GYG1: variants seen among roughly 807,000 people sequenced by gnomAD.
GYG1 encodes glycogenin 1.
GYG1 carries 44 observed loss-of-function variants against 41.9 expected under a neutral mutation model. The observed-to-expected ratio is 1.05, with a 90% CI of 0.83 to 1.35. The LOEUF is 1.35. GYG1 is among the 40% of genes most tolerant of loss of function. The probability of loss-of-function intolerance (pLI) is 0.00; values close to 1 mark genes in which losing one functional copy is unlikely to be tolerated. For synonymous variants in GYG1, 141 were observed against 158.1 expected (o/e 0.89, Z 0.81); for missense variants, 429 against 418.9 (o/e 1.02, Z -0.21).
In GYG1 at chr3:149,030,487, A is replaced by G. The variant is rs192055103; in HGVS notation, c.*3554A>G. 3.3e-5 allele frequency: 5 copies of G among 152,266 alleles called. No homozygotes were observed. The East Asian group carries it at 9.7e-4, about 29-fold the overall frequency. The allele number at this position is 152,266 out of a possible 1,614,324, so 9.4% of individuals were successfully genotyped here. On this transcript the variant is annotated 3_prime_UTR_variant, in exon 8 of 8. Transcript: ENST00000345003. ...CAAAGAAGCAAGCTGTCCTCCCTTT[A>G]CCTTCATAGTGAGTTTGTAAGGCTT... is the stretch of plus-strand genomic sequence containing the variant.
chr3:149,017,297 C>A (rs1714102196), intron 5 of GYG1, among the ~76,000 whole-genome samples: 1 of 151,986 alleles, frequency 6.6e-6, no homozygotes, highest in Non-Finnish European at 1.5e-5. Context: ...AAAATTAGAA[C>A]ATTTATTTTA....
At chr3:149,011,645 C>G (rs1228674541) in intron 5 of GYG1, among the ~76,000 whole-genome samples, 5 of 152,168 alleles carry the variant, frequency 3.3e-5, no homozygotes, top group African/African-American at 1.2e-4. Context: ...ACTTAATTTG[C>G]TAGAACCTTG....
chr3:148,996,265 G>T (rs1207192002), intron 2 of GYG1, 37 bp from the exon 3 acceptor site: 1 of 1,486,366 alleles, frequency 6.7e-7, no homozygotes, highest in South Asian at 1.1e-5. Context: ...GTTCTGAAAA[G>T]ATGCTAAGTG....
At chr3:149,002,340 C>T (rs1713136910) in intron 4 of GYG1, among the ~76,000 whole-genome samples, 1 of 152,180 alleles carries the variant, frequency 6.6e-6, no homozygotes, top group Admixed American at 6.5e-5. Flanking sequence ...AGAGTCCAGA[C>T]TAGGAGGACC....
At chr3:149,011,969 G>A (rs575073472) in intron 5 of GYG1, among the ~76,000 whole-genome samples, 12 of 152,224 alleles carry the variant, frequency 7.9e-5, no homozygotes, top group Middle Eastern at 3.4e-3. Flanking sequence ...GCCATGCTTT[G>A]TCTTGCCCAT....
intron 4 of GYG1, chr3:149,001,655 C>T (rs982525273): frequency 1.3e-5 from 2 of 152,222 alleles, no homozygotes; most frequent in African/African-American, 4.8e-5. Context: ...ATCTAGCTAG[C>T]ACTGGGGACC....
chr3:149,002,763 G>A (rs1414663990), intron 4 of GYG1, among the ~76,000 whole-genome samples: 1 of 152,218 alleles, frequency 6.6e-6, no homozygotes, highest in Non-Finnish European at 1.5e-5. Flanking sequence ...GCTCACACCT[G>A]TAATTCCAAC....
At chr3:149,013,033 T>TGTGTGTGTGTGTGTGTGTGTGTG in intron 5 of GYG1, among the ~76,000 whole-genome samples, 1 of 77,940 alleles carries the variant, frequency 1.3e-5, no homozygotes, top group African/African-American at 8.0e-5. Context: ...GTGTGTGTGT[T>TGTGTGTGTGTGTGTGTGTGTGTG]TTATAGAGAC....
intron 5 of GYG1, among the ~76,000 whole-genome samples, chr3:149,019,736 C>T (rs1576552422): frequency 6.6e-6 from 1 of 152,202 alleles, no homozygotes; most frequent in South Asian, 2.1e-4. Flanking sequence ...GAGATCAGTG[C>T]CTGAGTCACA....
At position 149,029,169 on chromosome 3, in the gene GYG1, T is replaced by A. The variant is rs779818731; in HGVS notation, c.*2236T>A. Among the ~76,000 whole-genome samples, 2 of 152,248 alleles carry A rather than the reference T, an allele frequency of 1.3e-5. No homozygotes were observed. Among genetic ancestry groups the A allele is most frequent in the Non-Finnish European group, 2.9e-5 (2 of 68,040 alleles). On this transcript the variant is annotated 3_prime_UTR_variant, in exon 8 of 8. Coordinates refer to ENST00000345003, the MANE Select transcript of GYG1 (RefSeq NM_004130.4). ...AACATTCTTTTCCTTCTATGATCTA[T>A]GTCTTAAGGTGAAGTATTAACTAAC...
chr3:149,025,810 G>A (rs1350710659), intron 6 of GYG1, among the ~76,000 whole-genome samples: 1 of 152,136 alleles, frequency 6.6e-6, no homozygotes, highest in Non-Finnish European at 1.5e-5. Context: ...ACCTTTTATG[G>A]CAGGTGAAGG....
chr3:149,002,072 G>A (rs1439523448), intron 4 of GYG1, among the ~76,000 whole-genome samples: 1 of 152,118 alleles, frequency 6.6e-6, no homozygotes, highest in African/African-American at 2.4e-5. Context: ...TCATCGTCTT[G>A]CAGTGTTTTA....
intron 5 of GYG1, among the ~76,000 whole-genome samples, chr3:149,016,541 G>T (rs1391361690): frequency 7.9e-5 from 12 of 152,138 alleles, no homozygotes; most frequent in African/African-American, 2.9e-4. Flanking sequence ...CCTAGTGTAG[G>T]TTATTAAAGT....
chr3:149,024,179 TC>T lies in GYG1; in HGVS notation c.736del (p.Leu246SerfsTer29). Reference sequence around the variant, plus strand: ...ATCCCAACATGACTCATCCAGAGTTTCTCATCCTGTGGTGGAACATCTTTAC... The same window carrying T: ...ATCCCAACATGACTCATCCAGAGTTTTCATCCTGTGGTGGAACATCTTTAC... ...HDPNMTHPEFLILWWNIFTTN... is the reference protein window; with the variant it reads ...HDPNMTHPEFXILWWNIFTTN... On this transcript the variant is annotated frameshift_variant, in exon 6 of 8. Coordinates refer to ENST00000345003, the MANE Select transcript of GYG1 (RefSeq NM_004130.4). LOFTEE classifies it high-confidence loss of function. 1 of 1,613,944 alleles carries T rather than the reference TC, an allele frequency of 6.2e-7. No individual in the cohort carries two copies. Among genetic ancestry groups the T allele is most frequent in the Non-Finnish European group, 8.5e-7 (1 of 1,179,790 alleles).
At chr3:148,995,702 T>C (rs1712746467) in intron 2 of GYG1, among the ~76,000 whole-genome samples, 1 of 152,222 alleles carries the variant, frequency 6.6e-6, no homozygotes. Context: ...AATACCAGTT[T>C]TGTTCTGCAT....
chr3:149,002,438 C>A (rs1713145414), intron 4 of GYG1, among the ~76,000 whole-genome samples: 1 of 152,198 alleles, frequency 6.6e-6, no homozygotes, highest in South Asian at 2.1e-4. Context: ...ACTTAATAAT[C>A]TTTTAACAAA....
chr3:149,030,114 G>A lies in GYG1; in HGVS notation c.*3181G>A, dbSNP rs1350581312. On this transcript the variant is annotated 3_prime_UTR_variant, in exon 8 of 8. Coordinates refer to ENST00000345003, the MANE Select transcript of GYG1 (RefSeq NM_004130.4). ...AAGATAAAGTCAAAATTATGGCACCGAGGAAGGTAATAAACATTTGAAATT... is the reference window on the plus strand; with the variant it reads ...AAGATAAAGTCAAAATTATGGCACCAAGGAAGGTAATAAACATTTGAAATT... 1.3e-5 allele frequency: 2 copies of A among 152,118 alleles called. No homozygotes were observed. The highest frequency in any genetic ancestry group is 2.4e-5 in the African/African-American group (1 of 41,420). 9.4% of individuals were successfully genotyped at this position (152,118 alleles called of 1,614,324 possible).
At chr3:149,018,196 G>T (rs552773074) in intron 5 of GYG1, among the ~76,000 whole-genome samples, 1 of 152,214 alleles carries the variant, frequency 6.6e-6, no homozygotes, top group South Asian at 2.1e-4. Flanking sequence ...ACGTAATTGA[G>T]ACATAAAAAT....
At chr3:149,008,024 C>T (rs1311640443) in intron 4 of GYG1, 1 of 152,224 alleles carries the variant, frequency 6.6e-6, no homozygotes, top group Non-Finnish European at 1.5e-5. Flanking sequence ...GCCCCAAGGG[C>T]TGAGCAGACA....
Sources: allele counts gnomAD v4.1 joint callset (sites outside exome capture counted in the v4.1 genomes callset), GRCh38; gene constraint gnomAD v4.1.1; transcripts MANE v1.5; gene names NCBI Gene and HGNC (gene_info 2026-07-23, HGNC 2026-07-21).